The following USP4 variants were observed in gnomAD, a reference collection of about 807,000 sequenced individuals.
The protein encoded by USP4 is ubiquitin carboxyl-terminal hydrolase 4.
A neutral mutation model predicts 118.2 loss-of-function variants in USP4; 72 were observed. That is an observed-to-expected ratio of 0.61 (90% CI 0.50 to 0.74). USP4 has a LOEUF of 0.74. Ranked by LOEUF, USP4 falls within the 30% of genes least tolerant of loss-of-function variation. The probability of loss-of-function intolerance (pLI) is 0.00; values close to 1 mark genes in which losing one functional copy is unlikely to be tolerated. For missense variants in USP4, 1,037 were observed against 1,185.7 expected (o/e 0.87, Z 1.84); for synonymous variants, 415 against 440.4 (o/e 0.94, Z 0.72).
chr3:49,285,766 T>C (rs565838602), intron 16 of USP4, among the ~76,000 whole-genome samples: 2 of 152,288 alleles, frequency 1.3e-5, no homozygotes, highest in Admixed American at 1.3e-4. Flanking sequence ...AAAATAAATA[T>C]GCGCTTATTC....
At chr3:49,290,248 C>G (rs2047138624) in intron 15 of USP4, among the ~76,000 whole-genome samples, 1 of 152,108 alleles carries the variant, frequency 6.6e-6, no homozygotes, top group Non-Finnish European at 1.5e-5. Context: ...CACCCCGTCT[C>G]TACTAAAAAT....
Position 49,280,821 on chromosome 3 carries a change from C to T in USP4, c.2567G>A (p.Cys856Tyr). The T allele has an allele frequency of 6.2e-7, 1 of 1,614,126 alleles. No individual in the cohort carries two copies. The highest frequency in any genetic ancestry group is 8.5e-7 in the Non-Finnish European group (1 of 1,179,982). The part of the protein sequence containing the change: ...IRGLNMSEFV[C>Y]NLSARPYVYD... ...CACATAAGGCCTTGCTGACAGGTTA[C>T]AGACAAACTCGGACATGTTCAGCCC... Residue 856 changes from cysteine (C) to tyrosine (Y), a missense_variant, in exon 20 of 22, where the codon TGT becomes TAT. Around this residue, in one of 3 missense-constraint regions of USP4, gnomAD observed 522 missense variants for 592.6 expected, o/e 0.88. Transcript: ENST00000265560.
At position 49,278,950 on chromosome 3, in the gene USP4, T is replaced by C. The variant is rs745341512; in HGVS notation, c.2645-48A>G. ...ACTCTAGCGGTCTCCAGAGAATTAA[T>C]CTGGCTAGCTTATTAGGCTTGCACT... On this transcript the variant is annotated intron_variant, in intron 20 of 21. Transcript: ENST00000265560. 3.7e-6 allele frequency: 5 copies of C among 1,344,796 alleles called. No homozygotes were observed. The African/African-American group carries it at 4.4e-5, about 12-fold the overall frequency. 83.3% of individuals were successfully genotyped at this position (1,344,796 alleles called of 1,614,324 possible). A position where few individuals can be genotyped will look rare whatever the true frequency, so the allele number is the denominator to read the frequency against.
chr3:49,325,111 T>C lies in USP4; in HGVS notation c.488-72A>G, dbSNP rs571396343. Reference sequence around the variant, plus strand: ...GCTAAAGACAGCCATGGCAAACTAATGCTCATCCTCTTTCTTGTCAGATGC... The same window carrying C: ...GCTAAAGACAGCCATGGCAAACTAACGCTCATCCTCTTTCTTGTCAGATGC... On this transcript the variant is annotated intron_variant, in intron 4 of 21. Transcript: ENST00000265560. 3 of 1,555,234 alleles carry C rather than the reference T, an allele frequency of 1.9e-6. No individual in the cohort carries two copies. The South Asian group carries it at 3.5e-5, about 18-fold the overall frequency.
chr3:49,286,732 T>C (rs1413513401), intron 15 of USP4, among the ~76,000 whole-genome samples: 1 of 151,938 alleles, frequency 6.6e-6, no homozygotes, highest in African/African-American at 2.4e-5. Context: ...AGAAACACTA[T>C]CTATCTTCCA....
intron 2 of USP4, among the ~76,000 whole-genome samples, chr3:49,330,826 T>C (rs2047609379): frequency 6.9e-6 from 1 of 145,920 alleles, no homozygotes; most frequent in Non-Finnish European, 1.5e-5. Context: ...CTGGCCAACA[T>C]GGTGAAACCC....
intron 6 of USP4, among the ~76,000 whole-genome samples, chr3:49,315,765 T>C (rs1039364422): frequency 1.3e-5 from 2 of 152,166 alleles, no homozygotes; most frequent in Non-Finnish European, 2.9e-5. Context: ...GGTGGGACCC[T>C]GTAACATCCC....
chr3:49,281,103 C>T (rs2047018716), intron 19 of USP4, among the ~76,000 whole-genome samples: 2 of 151,962 alleles, frequency 1.3e-5, no homozygotes, highest in South Asian at 4.2e-4. Flanking sequence ...GGTGGATCAC[C>T]TGAGATCAGG....
At chr3:49,281,095 T>G (rs1263998267) in intron 19 of USP4, among the ~76,000 whole-genome samples, 2 of 151,738 alleles carry the variant, frequency 1.3e-5, no homozygotes, top group Non-Finnish European at 2.9e-5. Context: ...CCAAGGCAGG[T>G]GGATCACCTG....
At position 49,283,976 on chromosome 3, in the gene USP4, C is replaced by T. The variant is rs754711004; in HGVS notation, c.2540+11G>A. 6.5e-5 allele frequency: 105 copies of T among 1,614,030 alleles called. No homozygotes were observed. Among genetic ancestry groups the T allele is most frequent in the Non-Finnish European group, 8.7e-5 (103 of 1,179,992 alleles). ...TTAAATGTTCCTAACACTGTAGTCA[C>T]CATGACCCACCTGATTGGGAATTCT... On this transcript the variant is annotated intron_variant, in intron 19 of 21. Coordinates refer to ENST00000265560, the MANE Select transcript of USP4 (RefSeq NM_003363.4).
chr3:49,301,818 G>A (rs2047265918), intron 10 of USP4, among the ~76,000 whole-genome samples: 1 of 151,908 alleles, frequency 6.6e-6, no homozygotes, highest in South Asian at 2.1e-4. Flanking sequence ...AATGTGATAG[G>A]GTAGCTGAAA....
chr3:49,316,530 G>A (rs2047438282), intron 6 of USP4, among the ~76,000 whole-genome samples: 1 of 152,010 alleles, frequency 6.6e-6, no homozygotes, highest in Admixed American at 6.6e-5. Context: ...TGTTGGCCAG[G>A]CTAGTCTCGA....
chr3:49,316,754 G>T, intron 6 of USP4: 1 of 401,570 alleles, frequency 2.5e-6, no homozygotes. Flanking sequence ...CCCTGCCCTG[G>T]GCCTCTGCTG....
rs1046698913 is a variant in USP4, at chr3:49,295,696, ACGTGTGCGCGCGCGCGCG to A, written c.1692-1116_1692-1099del. On this transcript the variant is annotated intron_variant, in intron 13 of 21. Transcript: ENST00000265560. ...TCAAATTTTGAAACTAAACATATGCACGTGTGCGCGCGCGCGCGCACACACACACACACACACACCCCC... is the reference window on the plus strand; with the variant it reads ...TCAAATTTTGAAACTAAACATATGCACACACACACACACACACACACCCCC... Among the ~76,000 whole-genome samples the A allele has an allele frequency of 8.2e-5, 12 of 145,996 alleles. 1 individual carries two copies. In the East Asian group the frequency reaches 9.9e-4, roughly 12 times the overall value.
chr3:49,318,727 G>T, intron 6 of USP4: 1 of 492,834 alleles, frequency 2.0e-6, no homozygotes, highest in Non-Finnish European at 2.6e-6. Flanking sequence ...TGGCCAACGT[G>T]GTGAAATCCC....
chr3:49,321,213 G>A (rs34915642), intron 6 of USP4, among the ~76,000 whole-genome samples: 28,463 of 152,092 alleles, frequency 0.19, 2,948 homozygotes, highest in African/African-American at 0.25. Context: ...CCTAACTGAC[G>A]TAGTATGTTT....
chr3:49,331,864 G>C (rs2047620906), intron 2 of USP4, among the ~76,000 whole-genome samples: 1 of 151,830 alleles, frequency 6.6e-6, no homozygotes, highest in African/African-American at 2.4e-5. Flanking sequence ...CGGACAGAGT[G>C]GCTCATGCCT....
chr3:49,284,486 G>C lies in USP4; in HGVS notation c.2370C>G (p.Thr790=). The C allele has an allele frequency of 6.2e-7, 1 of 1,613,960 alleles. No homozygotes were observed. The highest frequency in any genetic ancestry group is 8.5e-7 in the Non-Finnish European group (1 of 1,180,002). ...CGTACCAGGGGTCATGCTCCCCAAGGGTCTCCATGGTGGTGAAGAGCTCGA... is the reference window on the plus strand; with the variant it reads ...CGTACCAGGGGTCATGCTCCCCAAGCGTCTCCATGGTGGTGAAGAGCTCGA... The part of the protein sequence containing the change: ...DCIELFTTME[T]LGEHDPWYCP... Residue 790 remains threonine, a synonymous_variant, in exon 18 of 22, where the codon ACC becomes ACG. Transcript: ENST00000265560.
intron 10 of USP4, among the ~76,000 whole-genome samples, 176 bp downstream of exon 10, chr3:49,302,208 A>G (rs1443991936): frequency 6.6e-6 from 1 of 151,212 alleles, no homozygotes; most frequent in Non-Finnish European, 1.5e-5. Flanking sequence ...AAAAAAAAAA[A>G]GCAGTAACTA....
Sources: allele counts gnomAD v4.1 joint callset (sites outside exome capture counted in the v4.1 genomes callset), GRCh38; gene constraint gnomAD v4.1.1; regional missense constraint gnomAD v4.1.1; transcripts MANE v1.5; gene names NCBI Gene and HGNC (gene_info 2026-07-23, HGNC 2026-07-21).